Variants in SUGCT observed in about 807,000 individuals in gnomAD.
SUGCT encodes succinyl-CoA:glutarate-CoA transferase.
Under a neutral mutation model 55.0 loss-of-function variants are expected in SUGCT, and 41 were observed. The ratio of observed to expected loss-of-function variants is 0.74; its 90% CI spans 0.58 to 0.97. The LOEUF (loss-of-function observed/expected upper bound fraction) is 0.97. SUGCT is among the 50% of genes least tolerant of loss of function. The probability of loss-of-function intolerance (pLI) is 0.00; values close to 1 mark genes in which losing one functional copy is unlikely to be tolerated. For missense variants in SUGCT, 568 were observed against 547.8 expected (o/e 1.04, Z -0.37); for synonymous variants, 187 against 200.4 (o/e 0.93, Z 0.56).
At chr7:40,591,473 G>A (rs966505137) in intron 12 of SUGCT, among the ~76,000 whole-genome samples, 1 of 152,162 alleles carries the variant, frequency 6.6e-6, no homozygotes, top group African/African-American at 2.4e-5. Flanking sequence ...TTACTGAATC[G>A]ACAGCAAAGG....
intron 8 of SUGCT, among the ~76,000 whole-genome samples, chr7:40,294,138 G>T (rs1307742739): frequency 6.6e-6 from 1 of 152,016 alleles, no homozygotes; most frequent in Admixed American, 6.6e-5. Context: ...AGTAGAGACG[G>T]GGTTTCACCA....
intron 12 of SUGCT, among the ~76,000 whole-genome samples, chr7:40,502,615 A>G (rs1337429886): frequency 6.6e-6 from 1 of 152,090 alleles, no homozygotes; most frequent in Non-Finnish European, 1.5e-5. Context: ...GAAACATTTT[A>G]AATGTTGTGC....
intron 12 of SUGCT, among the ~76,000 whole-genome samples, chr7:40,645,380 AC>A (rs1800451268): frequency 1.3e-5 from 2 of 152,162 alleles, no homozygotes; most frequent in Non-Finnish European, 2.9e-5. Context: ...GGGAGGGCCC[AC>A]CATGTACAAA....
At chr7:40,169,350 G>A (rs1223922829) in intron 1 of SUGCT, among the ~76,000 whole-genome samples, 3 of 152,106 alleles carry the variant, frequency 2.0e-5, no homozygotes, top group Non-Finnish European at 4.4e-5. Flanking sequence ...ACAGTTGTCC[G>A]GGACAGGAGA....
chr7:40,614,709 A>C (rs1019977201), intron 12 of SUGCT, among the ~76,000 whole-genome samples: 1 of 152,240 alleles, frequency 6.6e-6, no homozygotes, highest in Non-Finnish European at 1.5e-5. Context: ...GATAAAGGCC[A>C]TACTACTCAA....
At chr7:40,678,691 GT>G (rs1784112051) in intron 12 of SUGCT, among the ~76,000 whole-genome samples, 2 of 152,132 alleles carry the variant, frequency 1.3e-5, no homozygotes, top group South Asian at 4.1e-4. Flanking sequence ...TATTCATATA[GT>G]ATATCTAGAT....
rs56989808 is a variant in SUGCT at position 40,316,955 on chromosome 7, GTTT to G, written c.816+116_816+118del. ...CTTTTTATACACAAATCCTTCAGCT[GTTT>G]TTTTTTTTTTTTTTTGTAATGTATC... On this transcript the variant is annotated intron_variant, in intron 9 of 13. Transcript: ENST00000335693. The G allele has an allele frequency of 1.1e-3, 213 of 189,142 alleles. 1 individual carries two copies. Among genetic ancestry groups the G allele is most frequent in the Middle Eastern group, 3.2e-3 (2 of 630 alleles). 11.7% of individuals were successfully genotyped at this position (189,142 alleles called of 1,614,324 possible).
At chr7:40,850,133 CCT>C (rs1335454760) in intron 13 of SUGCT, among the ~76,000 whole-genome samples, 1 of 152,100 alleles carries the variant, frequency 6.6e-6, no homozygotes, top group African/African-American at 2.4e-5. Context: ...CTTCTGGACC[CCT>C]GAGTTCAGTT....
chr7:40,420,569 C>CCT (rs1011932623), intron 9 of SUGCT, among the ~76,000 whole-genome samples: 1 of 152,062 alleles, frequency 6.6e-6, no homozygotes, highest in Non-Finnish European at 1.5e-5. Flanking sequence ...AAACTCCTGA[C>CCT]CTCAGGTGAT....
At chr7:40,491,500 G>C (rs1791675900) in intron 11 of SUGCT, among the ~76,000 whole-genome samples, 1 of 152,076 alleles carries the variant, frequency 6.6e-6, no homozygotes, top group Non-Finnish European at 1.5e-5. Context: ...GATATCATGG[G>C]GATGCTAATG....
intron 8 of SUGCT, among the ~76,000 whole-genome samples, chr7:40,299,720 ATACT>A (rs1283970401): frequency 6.6e-6 from 1 of 152,190 alleles, no homozygotes; most frequent in Non-Finnish European, 1.5e-5. Flanking sequence ...TAAACTGATA[ATACT>A]TCTTGGAAAT....
At chr7:40,251,567 C>T (rs2150933824) in intron 7 of SUGCT, among the ~76,000 whole-genome samples, 1 of 152,314 alleles carries the variant, frequency 6.6e-6, no homozygotes, top group South Asian at 2.1e-4. Context: ...TGCTAGGCAT[C>T]CTCCACCCAG....
At chr7:40,946,015 G>T in the SUGCT span, among the ~76,000 whole-genome samples, 7 of 152,084 alleles carry the variant, frequency 4.6e-5, no homozygotes, top group Non-Finnish European at 8.8e-5. Flanking sequence ...TTTTTCAAAT[G>T]CCAGCTGTAG....
rs370847708 is a variant in SUGCT at position 40,189,612 on chromosome 7, G to T, written c.363+18G>T. The T allele has an allele frequency of 9.5e-5, 131 of 1,374,076 alleles. No individual in the cohort carries two copies. In the Middle Eastern group the frequency reaches 2.6e-3, roughly 27 times the overall value. 85.1% of individuals were successfully genotyped at this position (1,374,076 alleles called of 1,614,324 possible). A position where few individuals can be genotyped will look rare whatever the true frequency, so the allele number is the denominator to read the frequency against. ...TCAAAGAGGTACAGTATGATGTATA[G>T]AAAGCATCCTACCACCTAGGTTATA... On this transcript the variant is annotated intron_variant, in intron 5 of 13. Coordinates refer to ENST00000335693, the MANE Select transcript of SUGCT (RefSeq NM_001193313.2).
At position 40,577,361 on chromosome 7, in the gene SUGCT, G is replaced by A. The variant is rs1796825762; in HGVS notation, c.1089+80975G>A. ...ATTAGTTCTAATATCTGGGTATCTT[G>A]TAATTGGTCTCCATTATTTGTCATT... is the stretch of plus-strand genomic sequence containing the variant. On this transcript the variant is annotated intron_variant, in intron 12 of 13. Transcript: ENST00000335693. Among the ~76,000 whole-genome samples, 4 of 152,064 alleles carry A rather than the reference G, an allele frequency of 2.6e-5. 1 individual carries two copies. In the Middle Eastern group the frequency reaches 0.01, roughly 388 times the overall value.
intron 7 of SUGCT, among the ~76,000 whole-genome samples, chr7:40,245,272 T>C (rs1430958726): frequency 6.7e-6 from 1 of 149,008 alleles, no homozygotes; most frequent in Non-Finnish European, 1.5e-5. Flanking sequence ...TTGGCCAGGC[T>C]GGTTTCAAAC....
chr7:40,694,432 A>G (rs969273166), intron 12 of SUGCT, among the ~76,000 whole-genome samples: 16 of 152,358 alleles, frequency 1.1e-4, no homozygotes, highest in South Asian at 2.1e-4. Context: ...GCTTCTTTGC[A>G]TCTCAGAATC....
chr7:40,600,818 A>G (rs566293753), intron 12 of SUGCT, among the ~76,000 whole-genome samples: 99 of 151,676 alleles, frequency 6.5e-4, no homozygotes, highest in African/African-American at 2.3e-3. Flanking sequence ...TGGCATGAGG[A>G]TGATGCTCAG....
At chr7:40,361,311 AC>A (rs1798141599) in intron 9 of SUGCT, among the ~76,000 whole-genome samples, 1 of 152,140 alleles carries the variant, frequency 6.6e-6, no homozygotes, top group Non-Finnish European at 1.5e-5. Context: ...GCGGTGGCTC[AC>A]GCTGGTAATC....
Sources: allele counts gnomAD v4.1 joint callset (sites outside exome capture counted in the v4.1 genomes callset), GRCh38; gene constraint gnomAD v4.1.1; transcripts MANE v1.5; gene names NCBI Gene and HGNC (gene_info 2026-07-23, HGNC 2026-07-21).